Variants in ELOVL2 observed in about 807,000 individuals in gnomAD.
The protein encoded by ELOVL2 is very long chain fatty acid elongase 2.
Under a neutral mutation model 37.7 loss-of-function variants are expected in ELOVL2, and 38 were observed. The ratio of observed to expected loss-of-function variants is 1.01; its 90% confidence interval spans 0.78 to 1.32. The LOEUF (loss-of-function observed/expected upper bound fraction) is 1.32, where lower values mean the gene tolerates loss of function less well. Among genes scored for constraint, ELOVL2 ranks in the 40% most tolerant of loss-of-function variants. The probability of loss-of-function intolerance (pLI) is 0.00; values close to 1 mark genes in which losing one functional copy is unlikely to be tolerated. For missense variants in ELOVL2, 352 were observed against 363.6 expected (o/e 0.97, Z 0.26); for synonymous variants, 115 against 122.3 (o/e 0.94, Z 0.40).
chr6:10,993,616 C>G (rs1396957834), intron 5 of ELOVL2, among the ~76,000 whole-genome samples: 1 of 152,164 alleles, frequency 6.6e-6, no homozygotes, highest in African/African-American at 2.4e-5. Context: ...AGACATGGGT[C>G]ATGGGGCCTA....
intron 1 of ELOVL2, among the ~76,000 whole-genome samples, chr6:11,015,145 C>T (rs1043039880): frequency 4.6e-5 from 7 of 152,038 alleles, no homozygotes; most frequent in African/African-American, 7.3e-5. Flanking sequence ...ATATGAAATT[C>T]TAGAAAATAT....
chr6:11,041,980 T>C (rs1180161775), intron 1 of ELOVL2, among the ~76,000 whole-genome samples: 2 of 147,464 alleles, frequency 1.4e-5, no homozygotes, highest in South Asian at 2.2e-4. Flanking sequence ...TTCAACCCCC[T>C]AACTTTCCTA....
intron 3 of ELOVL2, among the ~76,000 whole-genome samples, chr6:11,000,671 A>G (rs1782364641): frequency 6.6e-6 from 1 of 152,204 alleles, no homozygotes; most frequent in African/African-American, 2.4e-5. Context: ...CTACTTGGTA[A>G]TCAAACAATT....
In ELOVL2 at chr6:11,021,492, T is replaced by C. The variant is rs368899589; in HGVS notation, c.4-10683A>G. ...GGTTCAGAGGGGTGTCAGAATTGTA[T>C]GTGTATTAATATATATTTGGCAAGT... On this transcript the variant is annotated intron_variant, in intron 1 of 7. Transcript: ENST00000354666. 1.0e-3 allele frequency among the ~76,000 whole-genome samples: 157 copies of C among 152,162 alleles called. 6 individuals carry two copies. The South Asian group carries it at 0.032, about 31-fold the overall frequency.
chr6:11,004,798 A>G (rs1479107145), intron 3 of ELOVL2, among the ~76,000 whole-genome samples: 1 of 152,178 alleles, frequency 6.6e-6, no homozygotes, highest in Non-Finnish European at 1.5e-5. Context: ...GAAAATTGTA[A>G]CATGATCTTG....
At chr6:11,014,947 G>C (rs1241525184) in intron 1 of ELOVL2, among the ~76,000 whole-genome samples, 1 of 152,150 alleles carries the variant, frequency 6.6e-6, no homozygotes, top group African/African-American at 2.4e-5. Context: ...AATTTTATTT[G>C]TAATTGCTAA....
chr6:10,990,271 C>G (rs776510629), intron 6 of ELOVL2, 47 bp downstream of exon 6: 2 of 1,588,766 alleles, frequency 1.3e-6, no homozygotes, highest in Admixed American at 3.8e-5. Flanking sequence ...TTTCCTTTCC[C>G]CATCCATAAG....
intron 1 of ELOVL2, among the ~76,000 whole-genome samples, chr6:11,025,529 T>TG (rs1782826009): frequency 6.6e-6 from 1 of 152,214 alleles, no homozygotes; most frequent in South Asian, 2.1e-4. Context: ...AGTCTTCTTT[T>TG]GAATGCTTTT....
chr6:10,996,090 TTTAG>T (rs755940442), intron 4 of ELOVL2, among the ~76,000 whole-genome samples: 53 of 151,604 alleles, frequency 3.5e-4, no homozygotes, highest in Non-Finnish European at 5.9e-4. Context: ...GAGACATTTC[TTTAG>T]TTAAAGGCAC....
rs3734397 is a variant in ELOVL2, at chr6:10,982,615, G to A, written c.*1166C>T. 0.84 allele frequency: 128,116 copies of A among 152,232 alleles called. 54,450 individuals are homozygous for A. Among genetic ancestry groups the A allele is most frequent in the African/African-American group, 0.96 (39,916 of 41,554 alleles). The allele number at this position is 152,232 out of a possible 1,614,324, so 9.4% of individuals were successfully genotyped here. On this transcript the variant is annotated 3_prime_UTR_variant, in exon 8 of 8. Transcript: ENST00000354666. Reference sequence around the variant, plus strand: ...TTGTCTACTTTTGTGCTTGCTTCTCGGTAGAGATCGCATATACCTGAGCAG... The same window carrying A: ...TTGTCTACTTTTGTGCTTGCTTCTCAGTAGAGATCGCATATACCTGAGCAG...
intron 7 of ELOVL2, among the ~76,000 whole-genome samples, chr6:10,987,238 T>G (rs886953931): frequency 1.4e-4 from 21 of 152,216 alleles, no homozygotes; most frequent in South Asian, 4.1e-4. Context: ...TTCTTCTCTC[T>G]TTTCTTCTTT....
intron 5 of ELOVL2, among the ~76,000 whole-genome samples, chr6:10,994,149 T>C (rs1039900653): frequency 5.6e-5 from 8 of 142,822 alleles, no homozygotes; most frequent in African/African-American, 7.9e-5. Context: ...GGCAGAAGAA[T>C]GAGACCCTGT....
At chr6:10,992,008 T>G (rs1782169060) in intron 5 of ELOVL2, among the ~76,000 whole-genome samples, 1 of 152,226 alleles carries the variant, frequency 6.6e-6, no homozygotes, top group Non-Finnish European at 1.5e-5. Context: ...ACAGTGATGA[T>G]TTGGGTTTTA....
At chr6:11,035,917 C>T (rs548067442) in intron 1 of ELOVL2, among the ~76,000 whole-genome samples, 5 of 152,312 alleles carry the variant, frequency 3.3e-5, no homozygotes, top group African/African-American at 1.2e-4. Flanking sequence ...AATGAATGAA[C>T]AATGAGTGTA....
intron 1 of ELOVL2, chr6:11,043,420 C>CAT (rs1190230550): frequency 6.4e-6 from 1 of 155,188 alleles, no homozygotes; most frequent in African/African-American, 2.5e-5. Context: ...CACACACACA[C>CAT]ACACACACAC....
intron 5 of ELOVL2, among the ~76,000 whole-genome samples, chr6:10,994,039 A>T (rs1782218366): frequency 6.7e-6 from 1 of 149,958 alleles, no homozygotes; most frequent in Non-Finnish European, 1.5e-5. Context: ...ATAGCTGGGC[A>T]TGGTGGTATA....
At chr6:11,003,324 G>A (rs1374340990) in intron 3 of ELOVL2, among the ~76,000 whole-genome samples, 2 of 152,022 alleles carry the variant, frequency 1.3e-5, no homozygotes, top group Non-Finnish European at 2.9e-5. Context: ...CCCCCGACAG[G>A]CCCGGGCGTG....
chr6:11,021,181 A>G (rs890541974), intron 1 of ELOVL2, among the ~76,000 whole-genome samples: 14 of 152,162 alleles, frequency 9.2e-5, no homozygotes, highest in African/African-American at 3.4e-4. Flanking sequence ...GGCATATCTA[A>G]TTACTTGGAG....
At chr6:11,037,119 GGAGAGAGACAGAGAGGGA>G (rs1299892489) in intron 1 of ELOVL2, among the ~76,000 whole-genome samples, 47 of 143,994 alleles carry the variant, frequency 3.3e-4, no homozygotes, top group African/African-American at 9.9e-4. Context: ...AGGCAGAGAA[GGAGAGAGACAGAGAGGGA>G]GAGAGAGACA....
Sources: gnomAD v4.1 joint callset for allele counts (sites outside exome capture counted in the v4.1 genomes callset) on GRCh38, gnomAD v4.1.1 for gene constraint, MANE v1.5 for transcripts, NCBI Gene and HGNC (gene_info 2026-07-23, HGNC 2026-07-21) for gene names.